The following CNBD1 variants were observed in gnomAD, a reference collection of about 807,000 sequenced individuals.
CNBD1 encodes the protein cyclic nucleotide-binding domain-containing protein 1.
In CNBD1, 71 loss-of-function variants were observed where a neutral mutation model predicts 54.4. The ratio of observed to expected loss-of-function variants is 1.30; its 90% confidence interval spans 1.08 to 1.59. CNBD1 has a LOEUF of 1.59. Among genes scored for constraint, CNBD1 ranks in the 40% most tolerant of loss-of-function variants. The pLI is 0.00. For synonymous variants in CNBD1, 182 were observed against 170.7 expected, an observed-to-expected ratio of 1.07 and a Z score of -0.51; for missense variants, 659 against 518.0, an observed-to-expected ratio of 1.27 and a Z score of -2.64.
rs78782083 is a variant in CNBD1, at chr8:86,969,311, C to T, written c.431+29557C>T. Among the ~76,000 whole-genome samples the T allele has an allele frequency of 8.5e-3, 1,288 of 152,046 alleles. 14 individuals carry two copies. The highest frequency in any genetic ancestry group is 0.028 in the African/African-American group (1,163 of 41,456). On this transcript the variant is annotated intron_variant, in intron 4 of 10. Transcript: ENST00000518476. ...AAATAATACATTAAACAAATAAGAA[C>T]GCAGATATTTTGATTGAAGAGATGA...
chr8:87,156,273 G>GTTTTTTTTTTTTTGAGACAGAGTT, intron 4 of CNBD1, among the ~76,000 whole-genome samples: 5 of 74,166 alleles, frequency 6.7e-5, no homozygotes, highest in East Asian at 3.5e-4. Flanking sequence ...ACACACATAT[G>GTTTTTTTTTTTTTGAGACAGAGTT]TCACTCTGTC....
intron 4 of CNBD1, among the ~76,000 whole-genome samples, chr8:87,037,508 G>A (rs1809974660): frequency 6.6e-6 from 1 of 151,952 alleles, no homozygotes; most frequent in African/African-American, 2.4e-5. Flanking sequence ...TTGATTATAT[G>A]ATTTTTTCTT....
At chr8:87,425,660 G>GAGGC (rs1473099487) in intron 2 of CNBD1, among the ~76,000 whole-genome samples, 1 of 152,088 alleles carries the variant, frequency 6.6e-6, no homozygotes, top group Non-Finnish European at 1.5e-5. Context: ...CCCACTTGAG[G>GAGGC]AGGCAGTCTG....
rs1216431184 is a variant in CNBD1 at position 87,259,169 on chromosome 8, C to A, written c.771+22057C>A. 2.0e-5 allele frequency among the ~76,000 whole-genome samples: 3 copies of A among 152,164 alleles called. No individual in the cohort carries two copies. In the East Asian group the frequency reaches 5.8e-4, roughly 29 times the overall value. Reference sequence around the variant, plus strand: ...TAAATCCTTTCACAACTTATACAGGCTATCTACGACATCCTTGGACTTTCT... The same window carrying A: ...TAAATCCTTTCACAACTTATACAGGATATCTACGACATCCTTGGACTTTCT... On this transcript the variant is annotated intron_variant, in intron 6 of 10. Coordinates refer to ENST00000518476, the MANE Select transcript of CNBD1 (RefSeq NM_173538.3).
chr8:87,381,493 A>T (rs1811073744), intron 10 of CNBD1, among the ~76,000 whole-genome samples: 1 of 152,174 alleles, frequency 6.6e-6, no homozygotes, highest in African/African-American at 2.4e-5. Flanking sequence ...AATTAACAGT[A>T]GACCATATGA....
chr8:86,966,446 A>G (rs748870504), intron 4 of CNBD1, among the ~76,000 whole-genome samples: 8 of 152,168 alleles, frequency 5.3e-5, no homozygotes, highest in Non-Finnish European at 7.3e-5. Flanking sequence ...TCCGGAGTTT[A>G]TTCCTTCAGA....
At chr8:87,238,045 T>C (rs1807617544) in intron 6 of CNBD1, among the ~76,000 whole-genome samples, 1 of 137,962 alleles carries the variant, frequency 7.2e-6, no homozygotes, top group Non-Finnish European at 1.5e-5. Context: ...ACAACAGCTG[T>C]AATTAGGGCT....
At chr8:86,913,631 G>T (rs934873967) in intron 3 of CNBD1, among the ~76,000 whole-genome samples, 8 of 152,124 alleles carry the variant, frequency 5.3e-5, no homozygotes, top group Non-Finnish European at 1.2e-4. Context: ...ATAGGGTGTT[G>T]TTCACAGAGA....
At position 86,944,529 on chromosome 8, in the gene CNBD1, G is replaced by A. The variant is rs576740798; in HGVS notation, c.431+4775G>A. 6.6e-5 allele frequency among the ~76,000 whole-genome samples: 10 copies of A among 152,282 alleles called. No individual in the cohort carries two copies. The South Asian group carries it at 2.1e-3, about 32-fold the overall frequency. On this transcript the variant is annotated intron_variant, in intron 4 of 10. Transcript: ENST00000518476. Reference sequence around the variant, plus strand: ...AGACAATTAAATACCTTGAAGAAGTGCATTCTAGGGAAAGAAAACACAAGT... The same window carrying A: ...AGACAATTAAATACCTTGAAGAAGTACATTCTAGGGAAAGAAAACACAAGT...
intron 2 of CNBD1, among the ~76,000 whole-genome samples, chr8:87,399,571 C>A (rs1318306041): frequency 6.6e-6 from 1 of 151,948 alleles, no homozygotes; most frequent in Non-Finnish European, 1.5e-5. Context: ...TAATATAAAG[C>A]CCCTAATGCC....
chr8:87,283,843 C>T (rs568220464), intron 6 of CNBD1, among the ~76,000 whole-genome samples: 3 of 152,134 alleles, frequency 2.0e-5, no homozygotes, highest in African/African-American at 4.8e-5. Context: ...TCTTCAGGAC[C>T]TTATTTGGGT....
chr8:87,035,550 AC>A (rs1301113214), intron 4 of CNBD1, among the ~76,000 whole-genome samples: 2 of 152,214 alleles, frequency 1.3e-5, no homozygotes, highest in African/African-American at 2.4e-5. Context: ...CAAAGCAGAT[AC>A]AATCTTTTGA....
chr8:87,333,638 G>A (rs1392799025), intron 8 of CNBD1, among the ~76,000 whole-genome samples: 1 of 152,056 alleles, frequency 6.6e-6, no homozygotes, highest in Non-Finnish European at 1.5e-5. Flanking sequence ...ATAATCATGT[G>A]GTTTTTGTCA....
chr8:87,321,285 A>T (rs1809522163), intron 8 of CNBD1, among the ~76,000 whole-genome samples: 1 of 152,180 alleles, frequency 6.6e-6, no homozygotes, highest in South Asian at 2.1e-4. Flanking sequence ...AACATTTCGC[A>T]TTATCACCAA....
chr8:87,177,185 C>T (rs994961241), intron 4 of CNBD1, among the ~76,000 whole-genome samples: 2 of 152,074 alleles, frequency 1.3e-5, no homozygotes, highest in African/African-American at 4.8e-5. Context: ...TCATTTCTTT[C>T]CCTTGGAGCA....
chr8:87,261,292 T>A (rs1808135795), intron 6 of CNBD1, among the ~76,000 whole-genome samples: 1 of 152,086 alleles, frequency 6.6e-6, no homozygotes, highest in South Asian at 2.1e-4. Flanking sequence ...GAGAGATCAA[T>A]GGACACAAAT....
At chr8:87,385,813 T>A (rs1278226443), downstream of CNBD1, among the ~76,000 whole-genome samples, 2 of 152,168 alleles carry the variant, frequency 1.3e-5, no homozygotes, top group African/African-American at 4.8e-5. Context: ...ACGGACAGAC[T>A]GCCTCCTCAA....
chr8:87,134,947 T>C (rs924367157), intron 4 of CNBD1, among the ~76,000 whole-genome samples: 24 of 152,100 alleles, frequency 1.6e-4, no homozygotes, highest in African/African-American at 5.1e-4. Context: ...CTTAAAAAAT[T>C]CTGCGCTATT....
At chr8:87,347,495 A>C (rs979586525) in intron 8 of CNBD1, among the ~76,000 whole-genome samples, 2 of 152,216 alleles carry the variant, frequency 1.3e-5, no homozygotes, top group South Asian at 2.1e-4. Flanking sequence ...TCAATAACTT[A>C]TACAATAAGT....
Sources: allele counts gnomAD v4.1 joint callset (sites outside exome capture counted in the v4.1 genomes callset), GRCh38; gene constraint gnomAD v4.1.1; transcripts MANE v1.5; gene names NCBI Gene and HGNC (gene_info 2026-07-23, HGNC 2026-07-21).